Variants in KDM1A observed in about 807,000 individuals in gnomAD.
The protein encoded by KDM1A is lysine-specific histone demethylase 1A.
Under a neutral mutation model 109.4 loss-of-function variants are expected in KDM1A, and 49 were observed. The ratio of observed to expected loss-of-function variants is 0.45; its 90% CI spans 0.36 to 0.57. KDM1A has a LOEUF of 0.57. KDM1A is among the 20% of genes least tolerant of loss of function. KDM1A has a pLI of 0.00. For missense variants in KDM1A, 668 were observed against 1,116.6 expected (o/e 0.60, Z 5.73); for synonymous variants, 380 against 415.4 (o/e 0.91, Z 1.04).
At chr1:23,069,189 T>A in intron 12 of KDM1A, 38 bp downstream of exon 12, 1 of 1,298,770 alleles carries the variant, frequency 7.7e-7, no homozygotes. Flanking sequence ...GAAGAAGCTT[T>A]AATAGGAGAA....
At chr1:23,065,717 TTTGTTGTTGTTG>T (rs542649884) in intron 9 of KDM1A, among the ~76,000 whole-genome samples, 3 of 152,056 alleles carry the variant, frequency 2.0e-5, no homozygotes, top group South Asian at 2.1e-4. Context: ...TTTGTTTGAT[TTTGTTGTTGTTG>T]TTGTTGTTGT....
At chr1:23,035,296 G>A (rs896174126) in intron 2 of KDM1A, among the ~76,000 whole-genome samples, 2 of 152,070 alleles carry the variant, frequency 1.3e-5, no homozygotes, top group Admixed American at 6.6e-5. Flanking sequence ...TCCGCCTCCC[G>A]GGTTCAAGCA....
At chr1:23,021,060 A>G (rs1367012574) in intron 1 of KDM1A, among the ~76,000 whole-genome samples, 2 of 152,212 alleles carry the variant, frequency 1.3e-5, no homozygotes, top group East Asian at 1.9e-4. Context: ...AAAATTGTCT[A>G]CATAATTTTT....
intron 2 of KDM1A, among the ~76,000 whole-genome samples, chr1:23,038,031 A>G (rs1415461179): frequency 6.6e-6 from 1 of 152,240 alleles, no homozygotes; most frequent in Non-Finnish European, 1.5e-5. Context: ...TCAAATGAGA[A>G]AATGCGAAAC....
At chr1:23,030,240 G>C (rs891259394) in intron 1 of KDM1A, among the ~76,000 whole-genome samples, 4 of 152,180 alleles carry the variant, frequency 2.6e-5, no homozygotes, top group African/African-American at 9.7e-5. Context: ...GAATGTCAGT[G>C]CTATGATGTA....
intron 2 of KDM1A, among the ~76,000 whole-genome samples, chr1:23,037,494 G>A (rs577387840): frequency 1.3e-5 from 2 of 152,228 alleles, no homozygotes; most frequent in African/African-American, 4.8e-5. Context: ...ATACATTGCA[G>A]AATGACCAAA....
chr1:23,042,440 ATTTT>A (rs769149894), intron 2 of KDM1A, among the ~76,000 whole-genome samples: 3 of 21,562 alleles, frequency 1.4e-4, no homozygotes, highest in Non-Finnish European at 2.7e-4. Context: ...GAAATATATT[ATTTT>A]TTTTTTTTTT....
rs1440217444 is a variant in KDM1A at position 23,069,469 on chromosome 1, A to C, written c.1413+318A>C. The stretch of plus-strand genomic sequence containing the variant: ...AGAAGAATTGTCTTGGGCAACACAT[A>C]AAATACACTAACACTAATGATAGCT... On this transcript the variant is annotated intron_variant, in intron 12 of 20. Transcript: ENST00000400181. 2.6e-5 allele frequency among the ~76,000 whole-genome samples: 4 copies of C among 152,174 alleles called. No homozygotes were observed. The East Asian group carries it at 7.7e-4, about 29-fold the overall frequency.
chr1:23,050,544 C>A, intron 4 of KDM1A, 24 bp downstream of exon 4: 1 of 1,575,170 alleles, frequency 6.3e-7, no homozygotes, highest in Non-Finnish European at 8.6e-7. Flanking sequence ...TCAGCTTTTT[C>A]ACCTGGATTA....
chr1:23,030,908 A>G (rs1254834130), intron 2 of KDM1A, among the ~76,000 whole-genome samples: 1 of 152,192 alleles, frequency 6.6e-6, no homozygotes, highest in Non-Finnish European at 1.5e-5. Context: ...ATGGAAGGAC[A>G]GTGGCAATAT....
At chr1:23,067,427 G>C (rs1242846593) in intron 10 of KDM1A, among the ~76,000 whole-genome samples, 1 of 152,190 alleles carries the variant, frequency 6.6e-6, no homozygotes, top group Non-Finnish European at 1.5e-5. Context: ...AAAATCGTCT[G>C]TTGGGTTGGG....
At chr1:23,055,872 A>G in intron 6 of KDM1A, 60 bp from the exon 7 acceptor site, 1 of 1,063,848 alleles carries the variant, frequency 9.4e-7, no homozygotes. Flanking sequence ...ATGAAATAAG[A>G]CTGTAAGTAC....
chr1:23,044,366 G>T (rs1472815883), intron 2 of KDM1A, 61 bp from the exon 3 acceptor site: 2 of 1,499,390 alleles, frequency 1.3e-6, no homozygotes, highest in Non-Finnish European at 1.8e-6. Flanking sequence ...AGGCCTTTAT[G>T]TCCAGATATT....
chr1:23,066,211 A>G (rs963644759), intron 10 of KDM1A, 140 bp downstream of exon 10: 6 of 643,984 alleles, frequency 9.3e-6, no homozygotes, highest in African/African-American at 5.6e-5. Context: ...AGTTGCGCCT[A>G]TATGTTGGGC....
chr1:23,059,016 G>A, intron 8 of KDM1A, 57 bp from the exon 9 acceptor site: 3 of 1,007,542 alleles, frequency 3.0e-6, no homozygotes, highest in South Asian at 1.9e-5. Flanking sequence ...TTTACTTTAA[G>A]GTTTTTGTTC....
In KDM1A at chr1:23,059,130, A is replaced by G; in HGVS notation, c.1130A>G (p.Lys377Arg). The G allele has an allele frequency of 6.2e-7, 1 of 1,613,286 alleles. No individual in the cohort carries two copies. Among genetic ancestry groups the G allele is most frequent in the Non-Finnish European group, 8.5e-7 (1 of 1,179,638 alleles). The change falls in exon 9 of 21, where the codon AAG (lysine) becomes AGG (arginine). Residue 377 changes from lysine (K) to arginine (R), a missense_variant. Transcript: ENST00000400181. ...KQVNMELAKI[K>R]QKCPLYEANG... is the part of the protein sequence containing the mutation. ...GTAAATATGGAACTGGCCAAGATCA[A>G]GCAAAAATGCCCACTTTATGAAGCC... is the stretch of plus-strand genomic sequence containing the variant.
intron 16 of KDM1A, among the ~76,000 whole-genome samples, chr1:23,078,300 C>T (rs1467855415): frequency 6.6e-6 from 1 of 152,140 alleles, no homozygotes; most frequent in Non-Finnish European, 1.5e-5. Context: ...GATGTTGTGC[C>T]ATTTTCTCGA....
intron 1 of KDM1A, among the ~76,000 whole-genome samples, chr1:23,025,672 G>A (rs2124347966): frequency 6.6e-6 from 1 of 152,212 alleles, no homozygotes; most frequent in Middle Eastern, 3.4e-3. Context: ...ATAATCTTCA[G>A]AGGAGGTGGA....
chr1:23,061,388 A>G (rs1385091196), intron 9 of KDM1A, among the ~76,000 whole-genome samples: 1 of 152,180 alleles, frequency 6.6e-6, no homozygotes, highest in Non-Finnish European at 1.5e-5. Context: ...AGCATTTTGA[A>G]TGCAGGGATA....
Sources: gnomAD v4.1 joint callset for allele counts (sites outside exome capture counted in the v4.1 genomes callset) on GRCh38, gnomAD v4.1.1 for gene constraint, MANE v1.5 for transcripts, NCBI Gene and HGNC (gene_info 2026-07-23, HGNC 2026-07-21) for gene names.